Variants in FTCDNL1 observed in about 807,000 individuals in gnomAD.
FTCDNL1 encodes the protein formiminotransferase cyclodeaminase N-terminal like.
FTCDNL1 carries 11 observed loss-of-function variants against 5.9 expected under a neutral mutation model. The observed-to-expected ratio is 1.87, with a 90% CI of 1.18 to 3.10. The LOEUF (loss-of-function observed/expected upper bound fraction) is 3.10, where lower values mean the gene tolerates loss of function less well. FTCDNL1 is among the 30% of genes most tolerant of loss of function. The pLI is 0.00. For missense variants in FTCDNL1, 115 were observed against 65.5 expected (o/e 1.76, Z -2.61); for synonymous variants, 58 against 24.8 (o/e 2.34, Z -3.99).
At chr2:199,823,461 G>A (rs1042426133) in intron 3 of FTCDNL1, among the ~76,000 whole-genome samples, 18 of 152,140 alleles carry the variant, frequency 1.2e-4, no homozygotes, top group African/African-American at 4.3e-4. Context: ...CTTACAAAAT[G>A]TATTTCTTAA....
the FTCDNL1 span, among the ~76,000 whole-genome samples, chr2:199,723,368 C>T: frequency 6.6e-5 from 10 of 152,096 alleles, no homozygotes; most frequent in Middle Eastern, 3.4e-3. Flanking sequence ...ATTTGAATAC[C>T]CTTTATTTCT....
chr2:199,824,214 T>C (rs576283435), intron 3 of FTCDNL1, among the ~76,000 whole-genome samples: 13 of 152,246 alleles, frequency 8.5e-5, no homozygotes, highest in Non-Finnish European at 1.6e-4. Flanking sequence ...TTTTATGTTA[T>C]GGAGGGAGCT....
intron 3 of FTCDNL1, among the ~76,000 whole-genome samples, chr2:199,829,204 CA>C (rs1353782695): frequency 2.0e-5 from 3 of 152,120 alleles, no homozygotes; most frequent in African/African-American, 4.8e-5. Flanking sequence ...TTTTTTCCCC[CA>C]ATTTAAGAAG....
At chr2:199,807,581 G>A (rs1301187810), downstream of FTCDNL1, among the ~76,000 whole-genome samples, 1 of 152,174 alleles carries the variant, frequency 6.6e-6, no homozygotes, top group Non-Finnish European at 1.5e-5. Context: ...AGGTTGAAGT[G>A]AGCCAAGATT....
chr2:199,703,850 A>T, the FTCDNL1 span, among the ~76,000 whole-genome samples: 3 of 152,212 alleles, frequency 2.0e-5, no homozygotes, highest in Non-Finnish European at 4.4e-5. Context: ...TTTCTATAGA[A>T]TAAACCTTTT....
At chr2:199,688,329 G>A in the FTCDNL1 span, among the ~76,000 whole-genome samples, 1 of 151,926 alleles carries the variant, frequency 6.6e-6, no homozygotes, top group African/African-American at 2.4e-5. Context: ...TAATCCAGGG[G>A]CTTTGGGAAC....
At chr2:199,726,278 C>CA in the FTCDNL1 span, among the ~76,000 whole-genome samples, 1 of 152,168 alleles carries the variant, frequency 6.6e-6, no homozygotes, top group Admixed American at 6.5e-5. Context: ...TTCTGGTTAA[C>CA]AGCTCATGTA....
chr2:199,716,465 A>G, the FTCDNL1 span, among the ~76,000 whole-genome samples: 1 of 152,160 alleles, frequency 6.6e-6, no homozygotes, highest in Non-Finnish European at 1.5e-5. Context: ...CCAATTCTCA[A>G]TGACTCTGAG....
At chr2:199,789,125 G>C (rs1325420298) in intron 3 of FTCDNL1, among the ~76,000 whole-genome samples, 1 of 151,288 alleles carries the variant, frequency 6.6e-6, no homozygotes, top group Non-Finnish European at 1.5e-5. Context: ...AAAAGTGAAA[G>C]TTCTTGAATT....
At chr2:199,736,164 G>A in the FTCDNL1 span, among the ~76,000 whole-genome samples, 2 of 152,134 alleles carry the variant, frequency 1.3e-5, no homozygotes, top group Non-Finnish European at 2.9e-5. Context: ...CAAGCTTCCA[G>A]GCACTTAAAC....
At chr2:199,754,873 T>C in the FTCDNL1 span, among the ~76,000 whole-genome samples, 3 of 152,246 alleles carry the variant, frequency 2.0e-5, no homozygotes, top group Admixed American at 6.5e-5. Flanking sequence ...ACTATATATA[T>C]GTTTCTAACA....
At position 199,811,403 on chromosome 2, in the gene FTCDNL1, G is replaced by A. The variant is rs1243866497; in HGVS notation, c.*1302C>T. Among the ~76,000 whole-genome samples, 1 of 152,172 alleles carries A rather than the reference G, an allele frequency of 6.6e-6. No individual in the cohort carries two copies. Among genetic ancestry groups the A allele is most frequent in the Non-Finnish European group, 1.5e-5 (1 of 68,030 alleles). ...CTTATCCTATTTTGACTCAAGGAAT[G>A]GTAATATCTTTACCATCGTTCCAAC... On this transcript the variant is annotated 3_prime_UTR_variant, in exon 5 of 5. Coordinates refer to ENST00000420128, the MANE Select transcript of FTCDNL1 (RefSeq NM_001363886.2).
At chr2:199,715,807 G>A in the FTCDNL1 span, among the ~76,000 whole-genome samples, 1,998 of 152,152 alleles carry the variant, frequency 0.013, 20 homozygotes, top group South Asian at 0.024. Flanking sequence ...AATAATGGAG[G>A]AGAGGAGAAA....
intron 4 of FTCDNL1, among the ~76,000 whole-genome samples, chr2:199,817,186 A>G (rs1490216302): frequency 1.3e-5 from 2 of 152,194 alleles, no homozygotes; most frequent in Non-Finnish European, 2.9e-5. Flanking sequence ...TTGTACATAT[A>G]CCTTTTACTA....
chr2:199,850,346 G>A (rs1404788189), intron 1 of FTCDNL1, among the ~76,000 whole-genome samples: 2 of 152,166 alleles, frequency 1.3e-5, no homozygotes, highest in Non-Finnish European at 2.9e-5. Flanking sequence ...CAGCTTAATT[G>A]TCTCATCAGG....
chr2:199,829,103 A>G (rs958958199), intron 3 of FTCDNL1, among the ~76,000 whole-genome samples: 1 of 152,230 alleles, frequency 6.6e-6, no homozygotes, highest in Admixed American at 6.5e-5. Context: ...CAGAAAGAAC[A>G]TAAGGCCATC....
At chr2:199,692,181 C>T in the FTCDNL1 span, among the ~76,000 whole-genome samples, 1 of 151,972 alleles carries the variant, frequency 6.6e-6, no homozygotes, top group Non-Finnish European at 1.5e-5. Flanking sequence ...GATATTCTAC[C>T]AGGCATTAAT....
At chr2:199,732,785 T>C in the FTCDNL1 span, among the ~76,000 whole-genome samples, 1 of 152,328 alleles carries the variant, frequency 6.6e-6, no homozygotes. Flanking sequence ...CCATGATCAT[T>C]GGTTACCCAA....
chr2:199,779,415 A>C (rs1379755523), intron 3 of FTCDNL1, among the ~76,000 whole-genome samples: 1 of 152,244 alleles, frequency 6.6e-6, no homozygotes, highest in Non-Finnish European at 1.5e-5. Flanking sequence ...GACACAAACA[A>C]GTTATCTCAA....
Sources: allele counts gnomAD v4.1 joint callset (sites outside exome capture counted in the v4.1 genomes callset), GRCh38; gene constraint gnomAD v4.1.1; transcripts MANE v1.5; gene names NCBI Gene and HGNC (gene_info 2026-07-23, HGNC 2026-07-21).